The following VCAN variants were observed in gnomAD, a reference collection of about 807,000 sequenced individuals.
VCAN encodes the protein versican.
Under a neutral mutation model 245.5 loss-of-function variants are expected in VCAN, and 44 were observed. The observed-to-expected ratio is 0.18, with a 90% CI of 0.14 to 0.23. VCAN has a LOEUF of 0.23. Among genes scored for constraint, VCAN ranks in the 10% least tolerant of loss-of-function variants. The pLI, the probability that VCAN is intolerant of heterozygous loss-of-function variation, is 1.00. For synonymous variants in VCAN, 1,413 were observed against 1,437.0 expected, an observed-to-expected ratio of 0.98 and a Z score of 0.38; for missense variants, 3,793 against 4,057.9, an observed-to-expected ratio of 0.93 and a Z score of 1.77.
At position 83,538,823 on chromosome 5, in the gene VCAN, A is replaced by G; in HGVS notation, c.5820A>G (p.Glu1940=). 6.2e-7 allele frequency: 1 copy of G among 1,613,972 alleles called. No homozygotes were observed. The highest frequency in any genetic ancestry group is 1.1e-5 in the South Asian group (1 of 91,082). Residue 1940 remains glutamate, a synonymous_variant, in exon 8 of 15, where the codon GAA becomes GAG. Transcript: ENST00000265077. The part of the protein sequence containing the change: ...LEEDFSGDFR[E]YSTVSHPIAK... Reference sequence around the variant, plus strand: ...AAGATTTCAGTGGTGACTTTAGAGAATACTCAACAGTGTCTCATCCCATAG... The same window carrying G: ...AAGATTTCAGTGGTGACTTTAGAGAGTACTCAACAGTGTCTCATCCCATAG...
At chr5:83,575,574 A>T (rs1238644923) in intron 13 of VCAN, among the ~76,000 whole-genome samples, 2 of 152,158 alleles carry the variant, frequency 1.3e-5, no homozygotes, top group Non-Finnish European at 2.9e-5. Flanking sequence ...AGAGCTATTG[A>T]CATTTTTGGT....
At chr5:83,507,573 G>T (rs1000976199) in intron 5 of VCAN, among the ~76,000 whole-genome samples, 2 of 152,196 alleles carry the variant, frequency 1.3e-5, no homozygotes, top group East Asian at 3.8e-4. Context: ...TATTTGATTT[G>T]CTTGATTTCC....
At chr5:83,485,451 A>T (rs1179337299) in intron 2 of VCAN, among the ~76,000 whole-genome samples, 1 of 152,038 alleles carries the variant, frequency 6.6e-6, no homozygotes, top group Non-Finnish European at 1.5e-5. Flanking sequence ...TGCAGTAGGA[A>T]GTATTGAAGG....
chr5:83,485,167 C>T (rs192764630), intron 2 of VCAN, among the ~76,000 whole-genome samples: 19 of 152,282 alleles, frequency 1.2e-4, no homozygotes, highest in African/African-American at 3.4e-4. Flanking sequence ...CTTGCTCGAA[C>T]GCCCATACCC....
intron 7 of VCAN, among the ~76,000 whole-genome samples, chr5:83,525,228 A>G (rs1345375762): frequency 6.6e-6 from 1 of 152,002 alleles, no homozygotes; most frequent in Non-Finnish European, 1.5e-5. Context: ...GAGCTGAAAA[A>G]TGCTATGGGG....
At chr5:83,514,283 C>T (rs12514970) in intron 6 of VCAN, among the ~76,000 whole-genome samples, 13,051 of 152,126 alleles carry the variant, frequency 0.086, 736 homozygotes, top group South Asian at 0.2. Context: ...TTATTTCCTA[C>T]TTAAGACGTT....
chr5:83,489,664 G>C (rs202041488), intron 2 of VCAN, among the ~76,000 whole-genome samples: 1 of 152,078 alleles, frequency 6.6e-6, no homozygotes, highest in Admixed American at 6.6e-5. Context: ...GGCAGTTATT[G>C]TAACAAACAT....
chr5:83,539,045 A>G lies in VCAN; in HGVS notation c.6042A>G (p.Gln2014=), dbSNP rs199617551. ...FTSSAEGSGE[Q]LVTVSSSVVP... is the part of the protein sequence containing the mutation. Reference sequence around the variant, plus strand: ...CCTCAGCTGAGGGCTCAGGTGAGCAACTGGTCACAGTCAGCAGCTCTGTTG... The same window carrying G: ...CCTCAGCTGAGGGCTCAGGTGAGCAGCTGGTCACAGTCAGCAGCTCTGTTG... The change falls in exon 8 of 15, where the codon CAA becomes CAG. Residue 2014 remains glutamine (Q), a synonymous_variant. Coordinates refer to ENST00000265077, the MANE Select transcript of VCAN (RefSeq NM_004385.5). The G allele has an allele frequency of 6.2e-7, 1 of 1,614,010 alleles. No homozygotes were observed. Among genetic ancestry groups the G allele is most frequent in the African/African-American group, 1.3e-5 (1 of 75,046 alleles).
intron 13 of VCAN, 71 bp downstream of exon 13, chr5:83,572,631 G>T (rs941903816): frequency 3.8e-6 from 6 of 1,591,270 alleles, no homozygotes; most frequent in Admixed American, 3.4e-5. Context: ...AGGAATTTGT[G>T]TCTCAAATTC....
chr5:83,529,041 C>T (rs1746418460), intron 7 of VCAN, among the ~76,000 whole-genome samples: 1 of 134,172 alleles, frequency 7.5e-6, no homozygotes. Flanking sequence ...TGTATACACA[C>T]ATATATACAG....
At chr5:83,566,858 G>A (rs1037768133) in intron 12 of VCAN, among the ~76,000 whole-genome samples, 1 of 152,118 alleles carries the variant, frequency 6.6e-6, no homozygotes, top group Admixed American at 6.5e-5. Context: ...CAAAATAATC[G>A]AAACATTTAG....
chr5:83,476,029 C>T (rs1744377142), intron 1 of VCAN, among the ~76,000 whole-genome samples: 1 of 152,164 alleles, frequency 6.6e-6, no homozygotes, highest in African/African-American at 2.4e-5. Context: ...TCCAGAATAC[C>T]TGTATCTATA....
chr5:83,511,463 C>A (rs532954370), intron 5 of VCAN, among the ~76,000 whole-genome samples: 12 of 152,192 alleles, frequency 7.9e-5, no homozygotes, highest in Admixed American at 5.9e-4. Context: ...CAGGCCGCGA[C>A]CTTCGTAACC....
In VCAN at chr5:83,506,013, C is replaced by T. The variant is rs1745472391; in HGVS notation, c.749-6090C>T. 2.6e-5 allele frequency among the ~76,000 whole-genome samples: 4 copies of T among 152,210 alleles called. No individual in the cohort carries two copies. The South Asian group carries it at 8.3e-4, about 32-fold the overall frequency. ...GCTGGGGCACAGGGTACCAATTCCCCAAGCTGCATACAGCACGGGGACCCT... is the reference window on the plus strand; with the variant it reads ...GCTGGGGCACAGGGTACCAATTCCCTAAGCTGCATACAGCACGGGGACCCT... On this transcript the variant is annotated intron_variant, in intron 5 of 14. Coordinates refer to ENST00000265077, the MANE Select transcript of VCAN (RefSeq NM_004385.5).
At chr5:83,481,008 T>C (rs1352636890) in intron 1 of VCAN, among the ~76,000 whole-genome samples, 1 of 152,082 alleles carries the variant, frequency 6.6e-6, no homozygotes, top group East Asian at 1.9e-4. Context: ...CACAACTAAG[T>C]AGTGACAGAA....
At chr5:83,567,349 G>A (rs1007107948) in intron 12 of VCAN, among the ~76,000 whole-genome samples, 2 of 152,088 alleles carry the variant, frequency 1.3e-5, no homozygotes, top group Admixed American at 1.3e-4. Context: ...CCCCTAGGCT[G>A]GAGTGCAATG....
chr5:83,541,062 C>T lies in VCAN; in HGVS notation c.8059C>T (p.Leu2687Phe), dbSNP rs1561258446. ...PSTETELDVL[L>F]PTATSLPIPR... ...CACAGAAACAGAATTAGACGTTTTA[C>T]TTCCCACGGCAACATCCCTGCCAAT... Residue 2687 changes from leucine to phenylalanine, a missense_variant, in exon 8 of 15, where the codon CTT (leucine) becomes TTT (phenylalanine). Transcript: ENST00000265077. 3 of 1,614,072 alleles carry T rather than the reference C, an allele frequency of 1.9e-6. No homozygotes were observed. The highest frequency in any genetic ancestry group is 2.2e-5 in the East Asian group (1 of 44,862).
chr5:83,560,638 G>A (rs1747831831), intron 12 of VCAN, among the ~76,000 whole-genome samples: 1 of 152,106 alleles, frequency 6.6e-6, no homozygotes, highest in Admixed American at 6.6e-5. Flanking sequence ...GTGTCTATGG[G>A]ACAGCCCAAT....
chr5:83,508,280 A>G (rs1453178555), intron 5 of VCAN, among the ~76,000 whole-genome samples: 1 of 152,236 alleles, frequency 6.6e-6, no homozygotes, highest in Non-Finnish European at 1.5e-5. Flanking sequence ...GTACTAAGTT[A>G]TGTGTGTTGT....
Sources: gnomAD v4.1 joint callset for allele counts (sites outside exome capture counted in the v4.1 genomes callset) on GRCh38, gnomAD v4.1.1 for gene constraint, MANE v1.5 for transcripts, NCBI Gene and HGNC (gene_info 2026-07-23, HGNC 2026-07-21) for gene names.